The following DLG2 variants were observed in gnomAD, a reference collection of about 807,000 sequenced individuals.
DLG2 encodes disks large homolog 2.
A neutral mutation model predicts 132.5 loss-of-function variants in DLG2; 45 were observed. That is an observed-to-expected ratio of 0.34 (90% confidence interval 0.27 to 0.44). The LOEUF (loss-of-function observed/expected upper bound fraction) is 0.44, where lower values mean the gene tolerates loss of function less well. Ranked by LOEUF, DLG2 falls within the 20% of genes least tolerant of loss-of-function variation. The pLI, the probability that DLG2 is intolerant of heterozygous loss-of-function variation, is 1.00. For missense variants in DLG2, 1,045 were observed against 1,196.9 expected, an observed-to-expected ratio of 0.87 and a Z score of 1.87; for synonymous variants, 424 against 419.6, an observed-to-expected ratio of 1.01 and a Z score of -0.13.
At chr11:85,105,636 C>A (rs1349267250) in intron 6 of DLG2, among the ~76,000 whole-genome samples, 2 of 151,944 alleles carry the variant, frequency 1.3e-5, no homozygotes, top group African/African-American at 2.4e-5. Context: ...CTGTACGCTG[C>A]AATTTTCTGC....
intron 6 of DLG2, among the ~76,000 whole-genome samples, chr11:84,906,513 T>C (rs2091536365): frequency 6.6e-6 from 1 of 151,866 alleles, no homozygotes; most frequent in South Asian, 2.1e-4. Flanking sequence ...GGAGACATGA[T>C]AATTTGGAGA....
chr11:83,484,089 C>G lies in DLG2; in HGVS notation c.2293+40G>C, dbSNP rs1565416883. The G allele has an allele frequency of 3.8e-6, 6 of 1,559,604 alleles. No individual in the cohort carries two copies. The South Asian group carries it at 6.7e-5, about 17-fold the overall frequency. ...CGTGTTGCCTGTGAATTTTTTTTCT[C>G]TTATGTTGCATGTGACATTATCTTT... On this transcript the variant is annotated intron_variant, in intron 22 of 27. Coordinates refer to ENST00000376104, the MANE Select transcript of DLG2 (RefSeq NM_001142699.3).
chr11:85,341,456 C>T (rs1170982525), intron 3 of DLG2, among the ~76,000 whole-genome samples: 3 of 152,104 alleles, frequency 2.0e-5, no homozygotes, highest in African/African-American at 4.8e-5. Flanking sequence ...GTATCATCTG[C>T]GAGTAAAGAC....
At chr11:85,051,066 G>A (rs986315850) in intron 6 of DLG2, among the ~76,000 whole-genome samples, 1 of 152,094 alleles carries the variant, frequency 6.6e-6, no homozygotes, top group Non-Finnish European at 1.5e-5. Context: ...CTGAAGCATT[G>A]TCATGCTTCT....
At chr11:85,332,354 C>T (rs943877367) in intron 3 of DLG2, among the ~76,000 whole-genome samples, 1 of 152,066 alleles carries the variant, frequency 6.6e-6, no homozygotes, top group Non-Finnish European at 1.5e-5. Flanking sequence ...GTTTATAGAT[C>T]CTGGCTATTA....
chr11:85,128,840 G>A (rs868317919), intron 5 of DLG2, among the ~76,000 whole-genome samples: 2 of 152,116 alleles, frequency 1.3e-5, no homozygotes, highest in Non-Finnish European at 2.9e-5. Context: ...ATCATACTGA[G>A]GGGTATTCAT....
chr11:83,969,841 G>A (rs2090979071), intron 12 of DLG2, among the ~76,000 whole-genome samples: 2 of 152,068 alleles, frequency 1.3e-5, no homozygotes, highest in Non-Finnish European at 2.9e-5. Flanking sequence ...TCAAAGTGCT[G>A]GGATTACAGG....
intron 7 of DLG2, among the ~76,000 whole-genome samples, chr11:84,254,234 C>A (rs2097430110): frequency 6.6e-6 from 1 of 151,950 alleles, no homozygotes; most frequent in African/African-American, 2.4e-5. Flanking sequence ...CCCATCTTTG[C>A]TTTTTTTCTT....
intron 3 of DLG2, among the ~76,000 whole-genome samples, chr11:85,515,338 A>T (rs1270227276): frequency 1.3e-5 from 2 of 151,968 alleles, no homozygotes; most frequent in Non-Finnish European, 2.9e-5. Flanking sequence ...TTATGATGGC[A>T]AGAACTTGTG....
intron 3 of DLG2, among the ~76,000 whole-genome samples, chr11:85,546,116 T>C (rs2076307884): frequency 6.6e-6 from 1 of 152,218 alleles, no homozygotes; most frequent in South Asian, 2.1e-4. Context: ...CTGCTTTCTC[T>C]TGTGGGCATT....
At chr11:85,063,102 G>A (rs1487153481) in intron 6 of DLG2, among the ~76,000 whole-genome samples, 2 of 151,792 alleles carry the variant, frequency 1.3e-5, no homozygotes, top group African/African-American at 2.4e-5. Context: ...CAGATTCCCC[G>A]CTTCAGGGTC....
intron 10 of DLG2, among the ~76,000 whole-genome samples, chr11:84,061,823 C>G (rs902099812): frequency 1.4e-5 from 2 of 139,324 alleles, no homozygotes; most frequent in African/African-American, 5.4e-5. Flanking sequence ...CTTTAATAGA[C>G]TTACACATAC....
At chr11:84,210,486 T>A (rs951191610) in intron 8 of DLG2, among the ~76,000 whole-genome samples, 3 of 148,360 alleles carry the variant, frequency 2.0e-5, no homozygotes, top group Admixed American at 1.3e-4. Flanking sequence ...TGTATACATA[T>A]GTAACTAACC....
chr11:84,665,419 C>T lies in DLG2; in HGVS notation c.358-130688G>A, dbSNP rs113592326. ...TCTGGCTTCAGAGGCTAAGATCTTA[C>T]GCTATACCACCTATCTATCTATCAG... On this transcript the variant is annotated intron_variant, in intron 6 of 27. Transcript: ENST00000376104. 6.9e-3 allele frequency among the ~76,000 whole-genome samples: 1,053 copies of T among 152,248 alleles called. 8 individuals are homozygous for T. The highest frequency in any genetic ancestry group is 0.024 in the African/African-American group (981 of 41,548).
At chr11:83,896,173 A>G (rs2071617278) in intron 15 of DLG2, among the ~76,000 whole-genome samples, 2 of 152,248 alleles carry the variant, frequency 1.3e-5, no homozygotes, top group African/African-American at 4.8e-5. Context: ...GCCACTTGAG[A>G]ATACAGTGGT....
In DLG2 at chr11:85,598,780, G is replaced by A. The variant is rs921416692; in HGVS notation, c.-84C>T. ...TATTCTTCCAGTAATGATAAAGCTC[G>A]GTCAGTATCTGAAAAACATGATATT... is the stretch of plus-strand genomic sequence containing the variant. On this transcript the variant is annotated 5_prime_UTR_variant, in exon 3 of 28. Transcript: ENST00000376104. 1.9e-6 allele frequency: 2 copies of A among 1,073,096 alleles called. No homozygotes were observed. The highest frequency in any genetic ancestry group is 1.3e-6 in the Non-Finnish European group (1 of 756,018). The allele number at this position is 1,073,096 out of a possible 1,614,324, so 66.5% of individuals were successfully genotyped here. A position where few individuals can be genotyped will look rare whatever the true frequency, so the allele number is the denominator to read the frequency against.
At chr11:84,447,003 C>A (rs1437357788) in intron 7 of DLG2, among the ~76,000 whole-genome samples, 1 of 152,064 alleles carries the variant, frequency 6.6e-6, no homozygotes, top group African/African-American at 2.4e-5. Context: ...GCAAATGAGG[C>A]TTTAGAGTTT....
intron 4 of DLG2, among the ~76,000 whole-genome samples, chr11:85,272,594 C>G (rs575953904): frequency 3.9e-5 from 6 of 151,998 alleles, no homozygotes; most frequent in East Asian, 1.9e-4. Context: ...CACTGCTCAA[C>G]GAAATAAAAG....
At chr11:84,776,837 G>T (rs2070618525) in intron 6 of DLG2, among the ~76,000 whole-genome samples, 1 of 152,098 alleles carries the variant, frequency 6.6e-6, no homozygotes, top group South Asian at 2.1e-4. Context: ...AGCTATAGAA[G>T]ATTAGGGATA....
Sources: allele counts gnomAD v4.1 joint callset (sites outside exome capture counted in the v4.1 genomes callset), GRCh38; gene constraint gnomAD v4.1.1; transcripts MANE v1.5; gene names NCBI Gene and HGNC (gene_info 2026-07-23, HGNC 2026-07-21).